Variants in TTL observed in about 807,000 individuals in gnomAD.
TTL encodes tubulin--tyrosine ligase.
TTL carries 10 observed loss-of-function variants against 41.1 expected under a neutral mutation model. The observed-to-expected ratio is 0.24, with a 90% confidence interval of 0.15 to 0.41. TTL has a LOEUF of 0.41. Ranked by LOEUF, TTL falls within the 10% of genes least tolerant of loss-of-function variation. The probability of loss-of-function intolerance (pLI) is 1.00; values close to 1 mark genes in which losing one functional copy is unlikely to be tolerated. For missense variants in TTL, 367 were observed against 460.4 expected, an observed-to-expected ratio of 0.80 and a Z score of 1.86; for synonymous variants, 175 against 175.5, an observed-to-expected ratio of 1.00 and a Z score of 0.02.
At chr2:112,503,427 A>G (rs1486821954) in intron 5 of TTL, among the ~76,000 whole-genome samples, 1 of 146,096 alleles carries the variant, frequency 6.8e-6, no homozygotes, top group Non-Finnish European at 1.5e-5. Context: ...ATATTTATAT[A>G]TTTATTTATT....
rs1027066694 is a variant in TTL, at chr2:112,521,176, G to A, written c.1019+751G>A. 2.5e-5 allele frequency: 25 copies of A among 985,370 alleles called. No individual in the cohort carries two copies. In the African/African-American group the frequency reaches 4.4e-4, roughly 17 times the overall value. The allele number at this position is 985,370 out of a possible 1,614,324, so 61.0% of individuals were successfully genotyped here. On this transcript the variant is annotated intron_variant, in intron 6 of 6. Coordinates refer to ENST00000233336, the MANE Select transcript of TTL (RefSeq NM_153712.5). ...GGTTGGTGGGGAGAGTCTTCCAAAA[G>A]AGGTGCAGCGTCCTGTGGGCTCTCA...
intron 6 of TTL, 63 bp from the exon 7 acceptor site, chr2:112,528,618 T>TC (rs1428742032): frequency 7.1e-7 from 1 of 1,406,852 alleles, no homozygotes; most frequent in African/African-American, 1.4e-5. Flanking sequence ...ACAAAAAACA[T>TC]CTATTTTTTT....
rs1681738750 is a variant in TTL, at chr2:112,502,847, T to C, written c.606-65T>C. On this transcript the variant is annotated intron_variant, in intron 4 of 6. Coordinates refer to ENST00000233336, the MANE Select transcript of TTL (RefSeq NM_153712.5). ...ATAAAAGAAGTCAAGATGTGGGGAT[T>C]GATGTATATAATATGCAGAAACTTT... is the stretch of plus-strand genomic sequence containing the variant. 7 of 1,520,960 alleles carry C rather than the reference T, an allele frequency of 4.6e-6. No individual in the cohort carries two copies. The East Asian group carries it at 1.6e-4, about 35-fold the overall frequency. 94.2% of individuals were successfully genotyped at this position (1,520,960 alleles called of 1,614,324 possible).
At chr2:112,503,851 TG>T (rs1681769140) in intron 5 of TTL, among the ~76,000 whole-genome samples, 1 of 117,424 alleles carries the variant, frequency 8.5e-6, no homozygotes, top group Non-Finnish European at 1.7e-5. Context: ...TTAGGGTACA[TG>T]TGCACATTGT....
At chr2:112,489,726 G>A (rs7583111) in intron 2 of TTL, among the ~76,000 whole-genome samples, 2 of 152,040 alleles carry the variant, frequency 1.3e-5, no homozygotes, top group East Asian at 1.9e-4. Context: ...TATGAAGTTG[G>A]AACATAAATT....
At chr2:112,523,337 G>GGTGTGTGTGTGTGT (rs1298723408) in intron 6 of TTL, among the ~76,000 whole-genome samples, 8 of 93,350 alleles carry the variant, frequency 8.6e-5, no homozygotes, top group African/African-American at 1.7e-4. Flanking sequence ...ACTGTCTGTG[G>GGTGTGTGTGTGTGT]GTGTGTGTGT....
intron 6 of TTL, among the ~76,000 whole-genome samples, chr2:112,524,773 G>C (rs1302597169): frequency 2.6e-5 from 4 of 152,164 alleles, no homozygotes; most frequent in Admixed American, 1.3e-4. Context: ...TTCTTTTGCT[G>C]TGCAGAAGCT....
At position 112,514,277 on chromosome 2, in the gene TTL, G is replaced by A. The variant is rs940171170; in HGVS notation, c.876-6005G>A. Among the ~76,000 whole-genome samples the A allele has an allele frequency of 2.0e-5, 3 of 151,960 alleles. 1 individual carries two copies. The highest frequency in any genetic ancestry group is 2.0e-4 in the Admixed American group (3 of 15,248). On this transcript the variant is annotated intron_variant, in intron 5 of 6. Coordinates refer to ENST00000233336, the MANE Select transcript of TTL (RefSeq NM_153712.5). ...CACACCTGTGGTCGCAGCTACTCGGGAGGCTGAGGTGGGAGAATAGCTTGA... is the reference window on the plus strand; with the variant it reads ...CACACCTGTGGTCGCAGCTACTCGGAAGGCTGAGGTGGGAGAATAGCTTGA...
intron 1 of TTL, among the ~76,000 whole-genome samples, chr2:112,484,186 C>A (rs1415689852): frequency 6.7e-6 from 1 of 150,322 alleles, no homozygotes; most frequent in Non-Finnish European, 1.5e-5. Context: ...ACAGATACCA[C>A]AAATTCAGGA....
intron 1 of TTL, among the ~76,000 whole-genome samples, chr2:112,484,282 G>A (rs1195442193): frequency 9.2e-6 from 1 of 108,934 alleles, no homozygotes; most frequent in Non-Finnish European, 1.8e-5. Flanking sequence ...TGTTTGTTTT[G>A]CGACAGAGTC....
chr2:112,528,870 C>G lies in TTL; in HGVS notation c.*75C>G. The G allele has an allele frequency of 8.4e-7, 1 of 1,195,410 alleles. No homozygotes were observed. The highest frequency in any genetic ancestry group is 1.5e-5 in the African/African-American group (1 of 66,948). 74.1% of individuals were successfully genotyped at this position (1,195,410 alleles called of 1,614,324 possible). A position where few individuals can be genotyped will look rare whatever the true frequency, so the allele number is the denominator to read the frequency against. ...GGAATGGTGAAATGACTGGATTGCT[C>G]TTTATCCAGCCCACAGCAGGGGAAA... On this transcript the variant is annotated 3_prime_UTR_variant, in exon 7 of 7. Transcript: ENST00000233336.
chr2:112,523,356 G>GTGTC (rs1209439569), intron 6 of TTL, among the ~76,000 whole-genome samples: 1 of 151,800 alleles, frequency 6.6e-6, no homozygotes, highest in African/African-American at 2.4e-5. Flanking sequence ...GTGTCTGTGT[G>GTGTC]TGTGTGTGTG....
At chr2:112,495,297 A>C (rs1347756844) in intron 3 of TTL, among the ~76,000 whole-genome samples, 1 of 152,074 alleles carries the variant, frequency 6.6e-6, no homozygotes, top group Non-Finnish European at 1.5e-5. Context: ...TTACCTCCTG[A>C]CATTAACCTT....
At chr2:112,513,085 C>T (rs769785967) in intron 5 of TTL, among the ~76,000 whole-genome samples, 17 of 151,908 alleles carry the variant, frequency 1.1e-4, no homozygotes, top group Non-Finnish European at 1.8e-4. Context: ...ACATAGTTCA[C>T]TAACTCTTGC....
intron 6 of TTL, among the ~76,000 whole-genome samples, chr2:112,522,739 G>A (rs569325103): frequency 2.6e-5 from 4 of 152,108 alleles, no homozygotes; most frequent in African/African-American, 9.6e-5. Context: ...GACTAAGCTC[G>A]AACCTGACAG....
chr2:112,520,117 C>G (rs1235865226), intron 5 of TTL, among the ~76,000 whole-genome samples, 165 bp from the exon 6 acceptor site: 8 of 91,416 alleles, frequency 8.8e-5, no homozygotes, highest in Admixed American at 7.3e-4. Context: ...GCAACAAGAG[C>G]AAAACTCCGT....
chr2:112,482,558 G>T lies in TTL; in HGVS notation c.157+57G>T. On this transcript the variant is annotated intron_variant, in intron 1 of 6. Transcript: ENST00000233336. This position sits in a 1 kb window ranked among gnomAD's most constrained non-coding sequence, Gnocchi z 5.3. ...CTCGGAGCGGCCCTGCGCGCCTCCC[G>T]CGGCCCGTTAGAACCGGCGCTTTTG... 1 of 1,513,888 alleles carries T rather than the reference G, an allele frequency of 6.6e-7. No individual in the cohort carries two copies. Among genetic ancestry groups the T allele is most frequent in the Non-Finnish European group, 8.9e-7 (1 of 1,127,400 alleles). 93.8% of individuals were successfully genotyped at this position (1,513,888 alleles called of 1,614,324 possible).
rs1682507451 is a variant in TTL, at chr2:112,531,473, C to G, written c.*2678C>G. The stretch of plus-strand genomic sequence containing the variant: ...GAGGACAAGTGACAGTAGGAAGATG[C>G]AAGAGCCTTTAGTACCAAGGTTCTC... On this transcript the variant is annotated 3_prime_UTR_variant, in exon 7 of 7. Coordinates refer to ENST00000233336, the MANE Select transcript of TTL (RefSeq NM_153712.5). 4.4e-6 allele frequency: 1 copy of G among 229,432 alleles called. No individual in the cohort carries two copies. The highest frequency in any genetic ancestry group is 2.2e-5 in the African/African-American group (1 of 45,104). 14.2% of individuals were successfully genotyped at this position (229,432 alleles called of 1,614,324 possible). A position where few individuals can be genotyped will look rare whatever the true frequency, so the allele number is the denominator to read the frequency against.
rs1682566132 is a variant in TTL at position 112,534,559 on chromosome 2, C to G, written c.*5764C>G. On this transcript the variant is annotated 3_prime_UTR_variant, in exon 7 of 7. Transcript: ENST00000233336. Reference sequence around the variant, plus strand: ...TGCCATTTGGCCTTTTTGGTAGTTCCATGTAAGTCCCTACTCCTAGGTCTT... The same window carrying G: ...TGCCATTTGGCCTTTTTGGTAGTTCGATGTAAGTCCCTACTCCTAGGTCTT... The G allele has an allele frequency of 6.6e-6, 1 of 152,336 alleles. No homozygotes were observed. The highest frequency in any genetic ancestry group is 2.1e-4 in the South Asian group (1 of 4,818). 9.4% of individuals were successfully genotyped at this position (152,336 alleles called of 1,614,324 possible). A position where few individuals can be genotyped will look rare whatever the true frequency, so the allele number is the denominator to read the frequency against.
Sources: allele counts gnomAD v4.1 joint callset (sites outside exome capture counted in the v4.1 genomes callset), GRCh38; gene constraint gnomAD v4.1.1; non-coding constraint Gnocchi (gnomAD v3.1); transcripts MANE v1.5; gene names NCBI Gene and HGNC (gene_info 2026-07-23, HGNC 2026-07-21).